Variants in HPSE2 observed in about 807,000 individuals in gnomAD.
The protein encoded by HPSE2 is heparanase 2 (inactive).
In HPSE2, 38 loss-of-function variants were observed where a neutral mutation model predicts 60.5. The observed-to-expected ratio is 0.63, with a 90% CI of 0.48 to 0.82. The LOEUF is 0.82. Among genes scored for constraint, HPSE2 ranks in the 40% least tolerant of loss-of-function variants. The pLI, the probability that HPSE2 is intolerant of heterozygous loss-of-function variation, is 0.00. For missense variants in HPSE2, 713 were observed against 740.4 expected (o/e 0.96, Z 0.43); for synonymous variants, 295 against 293.2 (o/e 1.01, Z -0.06).
chr10:99,019,514 T>G (rs937717231), intron 3 of HPSE2, among the ~76,000 whole-genome samples: 2 of 152,182 alleles, frequency 1.3e-5, no homozygotes, highest in African/African-American at 4.8e-5. Context: ...TACCTTTATA[T>G]GATTCTACCT....
chr10:99,206,965 G>A (rs1055744457), intron 2 of HPSE2, among the ~76,000 whole-genome samples: 3 of 151,934 alleles, frequency 2.0e-5, no homozygotes, highest in African/African-American at 7.3e-5. Flanking sequence ...AGAATAAGAG[G>A]AAGACTAGGA....
Position 99,221,252 on chromosome 10 carries a change from A to G in HPSE2, c.448+11096T>C, listed in dbSNP as rs1849304507. Among the ~76,000 whole-genome samples the G allele has an allele frequency of 3.3e-5, 5 of 152,230 alleles. No individual in the cohort carries two copies. The South Asian group carries it at 1.0e-3, about 32-fold the overall frequency. ...AAAGCATAAATCTGTAGAAGTATGA[A>G]GAAGTTAAGCAACAACTAGAAGTGG... On this transcript the variant is annotated intron_variant, in intron 2 of 11. Coordinates refer to ENST00000370552, the MANE Select transcript of HPSE2 (RefSeq NM_021828.5).
chr10:98,848,882 T>C (rs1478987316), intron 3 of HPSE2, among the ~76,000 whole-genome samples: 1 of 152,214 alleles, frequency 6.6e-6, no homozygotes, highest in Non-Finnish European at 1.5e-5. Flanking sequence ...CTTTCCCCTC[T>C]TTCTTTACTC....
chr10:98,936,409 C>T lies in HPSE2; in HGVS notation c.611-192353G>A, dbSNP rs1327447799. ...CAGCTGCCCAGTTTTTTGCTTGAGA[C>T]CCAGGGGCCTGGTGGTGTAGGCTCA... On this transcript the variant is annotated intron_variant, in intron 3 of 11. Coordinates refer to ENST00000370552, the MANE Select transcript of HPSE2 (RefSeq NM_021828.5). Among the ~76,000 whole-genome samples, 2 of 143,566 alleles carry T rather than the reference C, an allele frequency of 1.4e-5. 1 individual carries two copies. Among genetic ancestry groups the T allele is most frequent in the African/African-American group, 5.7e-5 (2 of 35,202 alleles). 94.2% of individuals were successfully genotyped at this position (143,566 alleles called of 152,430 possible). A position where few individuals can be genotyped will look rare whatever the true frequency, so the allele number is the denominator to read the frequency against.
At chr10:99,053,192 T>C (rs1958029896) in intron 3 of HPSE2, among the ~76,000 whole-genome samples, 1 of 152,060 alleles carries the variant, frequency 6.6e-6, no homozygotes. Context: ...GATTATAATA[T>C]ATGTAAATGT....
chr10:98,985,160 G>A lies in HPSE2; in HGVS notation c.610+159078C>T, dbSNP rs185107620. Among the ~76,000 whole-genome samples, 763 of 152,168 alleles carry A rather than the reference G, an allele frequency of 5.0e-3. 6 individuals carry two copies. Among genetic ancestry groups the A allele is most frequent in the African/African-American group, 0.017 (702 of 41,500 alleles). On this transcript the variant is annotated intron_variant, in intron 3 of 11. Transcript: ENST00000370552. ...AGAGAACGCCACAAAGATACTCCTCGAGAAGAGCAACTCCAAGACACATCA... is the reference window on the plus strand; with the variant it reads ...AGAGAACGCCACAAAGATACTCCTCAAGAAGAGCAACTCCAAGACACATCA...
intron 3 of HPSE2, among the ~76,000 whole-genome samples, chr10:99,085,661 T>C (rs767037448): frequency 1.3e-5 from 2 of 152,208 alleles, no homozygotes; most frequent in African/African-American, 4.8e-5. Context: ...TGTGTGTATG[T>C]GATATTATGT....
At chr10:98,685,072 T>C (rs1033276963) in intron 6 of HPSE2, among the ~76,000 whole-genome samples, 3 of 152,174 alleles carry the variant, frequency 2.0e-5, no homozygotes, top group African/African-American at 7.2e-5. Flanking sequence ...TATCCTCTAC[T>C]AGGTTCTGCA....
At chr10:99,211,537 G>A (rs999493460) in intron 2 of HPSE2, among the ~76,000 whole-genome samples, 3 of 152,094 alleles carry the variant, frequency 2.0e-5, no homozygotes, top group South Asian at 4.1e-4. Context: ...GAACAGAACC[G>A]AGACGCCAGA....
At chr10:99,266,613 A>C in the HPSE2 span, among the ~76,000 whole-genome samples, 2 of 151,976 alleles carry the variant, frequency 1.3e-5, no homozygotes, top group African/African-American at 4.8e-5. Context: ...CTAGGGACCC[A>C]CCCACTGCCT....
At chr10:98,937,793 G>T (rs1404169306) in intron 3 of HPSE2, among the ~76,000 whole-genome samples, 2 of 142,488 alleles carry the variant, frequency 1.4e-5, no homozygotes, top group African/African-American at 2.9e-5. Context: ...CCTCAAGTGG[G>T]TCCCTGACCC....
At position 98,544,269 on chromosome 10, in the gene HPSE2, T is replaced by A. The variant is rs1943575467; in HGVS notation, c.1321-54073A>T. The stretch of plus-strand genomic sequence containing the variant: ...GAAATGAAGGCAGAAATAAAGATAT[T>A]CTTTGAAACCAATGAGAACAAAGAC... On this transcript the variant is annotated intron_variant, in intron 9 of 11. Transcript: ENST00000370552. Among the ~76,000 whole-genome samples the A allele has an allele frequency of 2.0e-5, 3 of 152,180 alleles. No homozygotes were observed. The South Asian group carries it at 6.2e-4, about 31-fold the overall frequency.
intron 9 of HPSE2, among the ~76,000 whole-genome samples, chr10:98,580,861 T>A (rs1247003276): frequency 6.0e-5 from 9 of 149,122 alleles, no homozygotes; most frequent in Non-Finnish European, 7.4e-5. Flanking sequence ...TGTGTGTGTG[T>A]GTGATAAACA....
At chr10:98,483,588 G>C (rs1941328074) in intron 10 of HPSE2, among the ~76,000 whole-genome samples, 2 of 152,190 alleles carry the variant, frequency 1.3e-5, no homozygotes, top group South Asian at 4.1e-4. Flanking sequence ...CCTGTGGGAA[G>C]ATTTTTTCTT....
chr10:99,209,857 T>C (rs1353780226), intron 2 of HPSE2, among the ~76,000 whole-genome samples: 1 of 152,138 alleles, frequency 6.6e-6, no homozygotes, highest in Non-Finnish European at 1.5e-5. Flanking sequence ...GCCTGGCTAA[T>C]TTTTGTATTT....
intron 3 of HPSE2, among the ~76,000 whole-genome samples, chr10:99,132,858 C>A (rs1346209880): frequency 3.9e-5 from 6 of 152,144 alleles, no homozygotes; most frequent in East Asian, 1.9e-4. Context: ...TTTCCATACC[C>A]CAATGGTGCC....
chr10:98,550,613 G>A (rs890910253), intron 9 of HPSE2, among the ~76,000 whole-genome samples: 13 of 151,984 alleles, frequency 8.6e-5, no homozygotes, highest in African/African-American at 1.2e-4. Context: ...GACTACAGGC[G>A]CCCGCCACCA....
chr10:98,980,435 C>G (rs1956180142), intron 3 of HPSE2, among the ~76,000 whole-genome samples: 1 of 152,096 alleles, frequency 6.6e-6, no homozygotes, highest in Non-Finnish European at 1.5e-5. Context: ...TGAAGAATCA[C>G]AGCAGATTAA....
At chr10:98,941,705 T>C (rs1470621924) in intron 3 of HPSE2, among the ~76,000 whole-genome samples, 2 of 135,574 alleles carry the variant, frequency 1.5e-5, no homozygotes, top group South Asian at 4.5e-4. Flanking sequence ...CCAATGACTT[T>C]CTTCACAGAA....
Sources: gnomAD v4.1 joint callset for allele counts (sites outside exome capture counted in the v4.1 genomes callset) on GRCh38, gnomAD v4.1.1 for gene constraint, MANE v1.5 for transcripts, NCBI Gene and HGNC (gene_info 2026-07-23, HGNC 2026-07-21) for gene names.